Variants in REPS2 observed in about 807,000 individuals in gnomAD.
The protein encoded by REPS2 is RALBP1 associated Eps domain containing 2.
Under a neutral mutation model 53.6 loss-of-function variants are expected in REPS2, and 23 were observed. The observed-to-expected ratio is 0.43, with a 90% CI of 0.31 to 0.61. The LOEUF is 0.61. Among genes scored for constraint, REPS2 ranks in the 20% least tolerant of loss-of-function variants. The pLI is 0.11. For missense variants in REPS2, 446 were observed against 534.9 expected (o/e 0.83, Z 1.64); for synonymous variants, 238 against 218.6 (o/e 1.09, Z -0.78).
intron 9 of REPS2, among the ~76,000 whole-genome samples, chrX:17,067,804 C>T (rs1477120524): frequency 8.9e-6 from 1 of 111,757 alleles, no homozygotes; most frequent in Admixed American, 9.5e-5. Flanking sequence ...TTGTTCTTGG[C>T]CAAATGGACC....
At chrX:16,969,891 T>G (rs778140191) in intron 1 of REPS2, among the ~76,000 whole-genome samples, 1 of 112,020 alleles carries the variant, frequency 8.9e-6, no homozygotes, top group Non-Finnish European at 1.9e-5. Context: ...GTTAGTGTGC[T>G]TCCTTTGCTA....
At chrX:16,968,520 C>T (rs1480229626) in intron 1 of REPS2, among the ~76,000 whole-genome samples, 2 of 96,976 alleles carry the variant, frequency 2.1e-5, no homozygotes, top group East Asian at 7.0e-4. Flanking sequence ...GGGCGGGGGG[C>T]TGACCCCCCC....
intron 14 of REPS2, among the ~76,000 whole-genome samples, chrX:17,133,428 A>G (rs2063321174): frequency 8.9e-6 from 1 of 111,854 alleles, no homozygotes; most frequent in Non-Finnish European, 1.9e-5. Flanking sequence ...GAAATTTAAC[A>G]TTTAAAAAAT....
chrX:17,151,899 G>C lies in REPS2; in HGVS notation c.*4418G>C, dbSNP rs908020844. ...TTTTTTTTTTTTGTATCATGACTCA[G>C]TATGGTTCAATTTCCTAGTAAGAAG... On this transcript the variant is annotated 3_prime_UTR_variant, in exon 18 of 18. Coordinates refer to ENST00000357277, the MANE Select transcript of REPS2 (RefSeq NM_004726.3). 1 of 108,051 alleles carries C rather than the reference G, an allele frequency of 9.3e-6. No individual in the cohort carries two copies. Among genetic ancestry groups the C allele is most frequent in the Non-Finnish European group, 1.9e-5 (1 of 52,213 alleles). The allele number at this position is 108,051 out of a possible 1,213,427, so 8.9% of individuals were successfully genotyped here. A position where few individuals can be genotyped will look rare whatever the true frequency, so the allele number is the denominator to read the frequency against.
At position 16,964,862 on chromosome X, in the gene REPS2, C is replaced by T. The variant is rs1430379429; in HGVS notation, c.273+17728C>T. ...CTCCTCACTTCCCAGTAGGGGCAGC[C>T]GGGCAGAGGCGCCCCTCACTTCCCG... On this transcript the variant is annotated intron_variant, in intron 1 of 17. Coordinates refer to ENST00000357277, the MANE Select transcript of REPS2 (RefSeq NM_004726.3). Among the ~76,000 whole-genome samples, 60 of 50,959 alleles carry T rather than the reference C, an allele frequency of 1.2e-3. 6 individuals carry two copies. Among genetic ancestry groups the T allele is most frequent in the Non-Finnish European group, 1.8e-3 (48 of 26,519 alleles). The allele number at this position is 50,959 out of a possible 115,157, so 44.3% of individuals were successfully genotyped here. A position where few individuals can be genotyped will look rare whatever the true frequency, so the allele number is the denominator to read the frequency against.
At position 16,998,069 on chromosome X, in the gene REPS2, A is replaced by AC. The variant is rs753449018; in HGVS notation, c.274-8146dup. Among the ~76,000 whole-genome samples, 350 of 60,608 alleles carry AC rather than the reference A, an allele frequency of 5.8e-3. 2 individuals are homozygous for AC. Among genetic ancestry groups the AC allele is most frequent in the East Asian group, 0.034 (52 of 1,509 alleles). 52.6% of individuals were successfully genotyped at this position (60,608 alleles called of 115,157 possible). The stretch of plus-strand genomic sequence containing the variant: ...AGACCAGCCTGGGCAACACAGGGAG[A>AC]CCCCCCATCTCTACAAAAAAACAAA... On this transcript the variant is annotated intron_variant, in intron 1 of 17. Transcript: ENST00000357277.
chrX:17,155,088 T>G (rs956301344), downstream of REPS2, among the ~76,000 whole-genome samples: 1 of 112,411 alleles, frequency 8.9e-6, no homozygotes, highest in African/African-American at 3.2e-5. Flanking sequence ...TTGTTTTCTG[T>G]TGCTTATAAC....
At chrX:16,993,526 G>A (rs2061187821) in intron 1 of REPS2, among the ~76,000 whole-genome samples, 1 of 111,283 alleles carries the variant, frequency 9.0e-6, no homozygotes, top group African/African-American at 3.3e-5. Flanking sequence ...GCCCTGGCTG[G>A]CCTCCTGGAG....
chrX:17,110,329 G>T (rs112452962), intron 14 of REPS2, among the ~76,000 whole-genome samples: 2,214 of 75,116 alleles, frequency 0.029, 67 homozygotes, highest in African/African-American at 0.1. Context: ...TTTTTTTTTT[G>T]GGAATATCTA....
At chrX:17,119,285 A>T (rs1373817199) in intron 14 of REPS2, among the ~76,000 whole-genome samples, 2 of 112,617 alleles carry the variant, frequency 1.8e-5, no homozygotes. Context: ...CAATTATTTT[A>T]TTAACAATCA....
At chrX:17,164,251 T>G in the REPS2 span, among the ~76,000 whole-genome samples, 2 of 107,479 alleles carry the variant, frequency 1.9e-5, no homozygotes, top group Non-Finnish European at 3.9e-5. Context: ...ATAATTACAT[T>G]AAGTATAAAT....
intron 13 of REPS2, among the ~76,000 whole-genome samples, chrX:17,096,377 A>T (rs183524543): frequency 8.9e-6 from 1 of 111,772 alleles, no homozygotes; most frequent in East Asian, 2.8e-4. Flanking sequence ...AAAGAGGAAG[A>T]GGCCGGGCGC....
At chrX:17,176,424 C>A in the REPS2 span, among the ~76,000 whole-genome samples, 6 of 111,908 alleles carry the variant, frequency 5.4e-5, no homozygotes, top group African/African-American at 1.9e-4. Context: ...TCCAGCCTGA[C>A]CCTAGTGGGC....
intron 1 of REPS2, among the ~76,000 whole-genome samples, chrX:16,994,421 G>A (rs142443342): frequency 3.7e-5 from 4 of 108,589 alleles, no homozygotes; most frequent in Admixed American, 9.9e-5. Context: ...ACATATATAT[G>A]CACACACACA....
intron 4 of REPS2, among the ~76,000 whole-genome samples, chrX:17,028,198 T>TA (rs766120119): frequency 1.9e-4 from 21 of 111,453 alleles, no homozygotes; most frequent in Non-Finnish European, 3.0e-4. Flanking sequence ...TAGAAGCTCT[T>TA]ATGGGAAGCA....
chrX:17,004,216 G>A (rs923189046), intron 1 of REPS2, among the ~76,000 whole-genome samples: 1 of 110,749 alleles, frequency 9.0e-6, no homozygotes, highest in East Asian at 2.8e-4. Context: ...GGAAAGCCCA[G>A]TGATTTGGAT....
At chrX:17,054,206 GTT>G (rs2062037407) in intron 7 of REPS2, among the ~76,000 whole-genome samples, 10 of 112,499 alleles carry the variant, frequency 8.9e-5, no homozygotes, top group Middle Eastern at 4.6e-3. Context: ...TTAGTTACTA[GTT>G]TTATCCTAAA....
At chrX:16,960,691 A>T (rs761750665) in intron 1 of REPS2, among the ~76,000 whole-genome samples, 1 of 111,945 alleles carries the variant, frequency 8.9e-6, no homozygotes, top group East Asian at 2.8e-4. Context: ...GGGAAAGAAG[A>T]AGTAAAATTA....
chrX:16,962,160 G>T (rs1569090481), intron 1 of REPS2, among the ~76,000 whole-genome samples: 1 of 110,687 alleles, frequency 9.0e-6, no homozygotes, highest in Non-Finnish European at 1.9e-5. Context: ...AATGAAGTCA[G>T]TGTGTCAAAG....
Sources: gnomAD v4.1 joint callset for allele counts (sites outside exome capture counted in the v4.1 genomes callset) on GRCh38, gnomAD v4.1.1 for gene constraint, MANE v1.5 for transcripts, NCBI Gene and HGNC (gene_info 2026-07-23, HGNC 2026-07-21) for gene names.